Variants in TRIM14 observed in about 807,000 individuals in gnomAD.
TRIM14 encodes the protein tripartite motif-containing protein 14.
A neutral mutation model predicts 44.5 loss-of-function variants in TRIM14; 28 were observed. The ratio of observed to expected loss-of-function variants is 0.63; its 90% CI spans 0.47 to 0.86. The LOEUF is 0.86. Among genes scored for constraint, TRIM14 ranks in the 40% least tolerant of loss-of-function variants. TRIM14 has a pLI of 0.00. For synonymous variants in TRIM14, 299 were observed against 269.2 expected (o/e 1.11, Z -1.08); for missense variants, 607 against 611.1 (o/e 0.99, Z 0.07).
chr9:98,038,682 T>C, the TRIM14 span, among the ~76,000 whole-genome samples: 2 of 152,224 alleles, frequency 1.3e-5, no homozygotes, highest in African/African-American at 2.4e-5. Flanking sequence ...ACTGAGTTAC[T>C]TTAGTGCTGG....
At chr9:98,057,921 G>GTTTTTTTTT in the TRIM14 span, among the ~76,000 whole-genome samples, 1 of 87,474 alleles carries the variant, frequency 1.1e-5, no homozygotes, top group Admixed American at 1.3e-4. Flanking sequence ...TTTTTTTCCT[G>GTTTTTTTTT]GTTTTTTTTT....
downstream of TRIM14, chr9:98,083,064 T>G: frequency 6.2e-7 from 1 of 1,612,760 alleles, no homozygotes; most frequent in Non-Finnish European, 8.5e-7. Context: ...AAAAATAAAG[T>G]GCCATTCTCT....
chr9:98,072,775 G>A (rs968960806), intron 6 of TRIM14, among the ~76,000 whole-genome samples: 1 of 152,140 alleles, frequency 6.6e-6, no homozygotes, highest in Admixed American at 6.5e-5. Context: ...AACTGTTGGA[G>A]GTAGATTGGT....
chr9:98,056,563 G>A, the TRIM14 span, among the ~76,000 whole-genome samples: 1 of 152,186 alleles, frequency 6.6e-6, no homozygotes, highest in African/African-American at 2.4e-5. Flanking sequence ...GCACAGGAGA[G>A]GGCCGCGGAG....
chr9:98,094,857 G>A lies in TRIM14; in HGVS notation c.700+10C>T, dbSNP rs371159652. The A allele has an allele frequency of 2.7e-5, 44 of 1,612,344 alleles. 1 individual carries two copies. The highest frequency in any genetic ancestry group is 2.6e-5 in the Non-Finnish European group (31 of 1,178,952). ...GTTAAGGACACAAAGTTGGTCACTCGGCGACTTACTTTCCTTAAGGCGAAT... is the reference window on the plus strand; with the variant it reads ...GTTAAGGACACAAAGTTGGTCACTCAGCGACTTACTTTCCTTAAGGCGAAT... On this transcript the variant is annotated intron_variant, in intron 4 of 5. Transcript: ENST00000341469.
chr9:98,053,613 G>A, the TRIM14 span, among the ~76,000 whole-genome samples: 3 of 148,270 alleles, frequency 2.0e-5, no homozygotes, highest in Non-Finnish European at 4.4e-5. Flanking sequence ...TCAGACCTTT[G>A]TAGAGGAGAC....
the TRIM14 span, among the ~76,000 whole-genome samples, chr9:98,055,045 G>A: frequency 6.6e-6 from 1 of 152,150 alleles, no homozygotes; most frequent in South Asian, 2.1e-4. Flanking sequence ...TTGAAATGGA[G>A]TTTCGCTCTT....
rs1825845819 is a variant in TRIM14 at position 98,087,858 on chromosome 9, C to G, written c.941G>C (p.Arg314Pro). ...GTGGCGGCCGGTGGCGAAGCAGTCA[C>G]GAGCCAGCACTTGCCAGAGCGCGTC... ...RFDALWQVLA[R>P]DCFATGRHYW... The change falls in exon 6 of 6, where the codon CGT becomes CCT. Residue 314 changes from arginine to proline, a missense_variant. Transcript: ENST00000341469. The G allele has an allele frequency of 3.2e-6, 5 of 1,557,560 alleles. No homozygotes were observed. The highest frequency in any genetic ancestry group is 4.3e-6 in the Non-Finnish European group (5 of 1,162,914).
chr9:98,092,141 C>T (rs1826017260), intron 4 of TRIM14, 140 bp from the exon 5 acceptor site: 1 of 583,012 alleles, frequency 1.7e-6, no homozygotes. Flanking sequence ...TGTGAATTCA[C>T]AGGGACAGGA....
chr9:98,082,698 G>C (rs1829931575), downstream of TRIM14: 4 of 646,672 alleles, frequency 6.2e-6, no homozygotes, highest in Non-Finnish European at 8.0e-6. Context: ...CCATGTATGA[G>C]ATATTCTGAG....
chr9:98,087,483 G>C lies in TRIM14; in HGVS notation c.1316C>G (p.Pro439Arg). The change falls in exon 6 of 6, where the codon CCC becomes CGC. Residue 439 changes from proline (P) to arginine (R), a missense_variant. Physicochemically the swap from Pro to Arg is moderately radical, Grantham distance 103. Coordinates refer to ENST00000341469, the MANE Select transcript of TRIM14 (RefSeq NM_014788.4). Reference protein sequence around the residue: ...LRLWEGAISIPRLP With the variant: ...LRLWEGAISIRRLP ...CGGTCCTGGCCCCTAGGGCAGCCGG[G>C]GGATGCTGATGGCCCCCTCCCAGAG... is the stretch of plus-strand genomic sequence containing the variant. The C allele has an allele frequency of 6.2e-7, 1 of 1,603,464 alleles. No homozygotes were observed. The highest frequency in any genetic ancestry group is 1.7e-5 in the Admixed American group (1 of 58,776).
chr9:98,057,347 T>C, the TRIM14 span, among the ~76,000 whole-genome samples: 1 of 152,200 alleles, frequency 6.6e-6, no homozygotes, highest in South Asian at 2.1e-4. Context: ...TCTGACATTC[T>C]TCAGCGACAC....
chr9:98,116,336 T>G (rs927975474), intron 1 of TRIM14, among the ~76,000 whole-genome samples: 1 of 149,980 alleles, frequency 6.7e-6, no homozygotes, highest in Non-Finnish European at 1.5e-5. Flanking sequence ...TTGGAAAGAC[T>G]GGACTAGCTT....
At chr9:98,081,072 G>A (rs772093469), downstream of TRIM14, 5 of 1,614,168 alleles carry the variant, frequency 3.1e-6, no homozygotes, top group South Asian at 3.3e-5. Flanking sequence ...GAGATGGCCT[G>A]CAATGAGAAG....
chr9:98,054,095 A>T, the TRIM14 span, among the ~76,000 whole-genome samples: 2 of 152,150 alleles, frequency 1.3e-5, no homozygotes, highest in African/African-American at 4.8e-5. Flanking sequence ...TCTGGGCAAG[A>T]CAAAGAGCAG....
chr9:98,043,699 G>T, the TRIM14 span, among the ~76,000 whole-genome samples: 1 of 151,314 alleles, frequency 6.6e-6, no homozygotes, highest in African/African-American at 2.4e-5. Context: ...CTCTAGCCAT[G>T]AGATAAACAC....
rs531243732 is a variant in TRIM14, at chr9:98,094,856, C to T, written c.700+11G>A. 1.7e-5 allele frequency: 27 copies of T among 1,612,020 alleles called. No individual in the cohort carries two copies. The East Asian group carries it at 2.0e-4, about 12-fold the overall frequency. ...AGTTAAGGACACAAAGTTGGTCACT[C>T]GGCGACTTACTTTCCTTAAGGCGAA... On this transcript the variant is annotated intron_variant, in intron 4 of 5. Transcript: ENST00000341469.
At chr9:98,053,437 C>T in the TRIM14 span, among the ~76,000 whole-genome samples, 1 of 152,150 alleles carries the variant, frequency 6.6e-6, no homozygotes, top group African/African-American at 2.4e-5. Flanking sequence ...AGTGACCAGC[C>T]TGCTGAACTG....
the TRIM14 span, among the ~76,000 whole-genome samples, chr9:98,056,495 A>G: frequency 6.6e-6 from 1 of 151,996 alleles, no homozygotes; most frequent in East Asian, 1.9e-4. Flanking sequence ...TCCTGGGTGC[A>G]CGCACGGATA....
Sources: allele counts gnomAD v4.1 joint callset (sites outside exome capture counted in the v4.1 genomes callset), GRCh38; gene constraint gnomAD v4.1.1; transcripts MANE v1.5; gene names NCBI Gene and HGNC (gene_info 2026-07-23, HGNC 2026-07-21).